ADGRB1: variants seen among roughly 807,000 people sequenced by gnomAD.
The protein encoded by ADGRB1 is adhesion G protein-coupled receptor B1.
A neutral mutation model predicts 175.7 loss-of-function variants in ADGRB1; 36 were observed. The observed-to-expected ratio is 0.20, with a 90% CI of 0.16 to 0.27. The LOEUF (loss-of-function observed/expected upper bound fraction) is 0.27. Ranked by LOEUF, ADGRB1 falls within the 10% of genes least tolerant of loss-of-function variation. The pLI is 1.00. For synonymous variants in ADGRB1, 1,054 were observed against 979.4 expected (o/e 1.08, Z -1.42); for missense variants, 1,731 against 2,255.3 (o/e 0.77, Z 4.71).
chr8:142,533,980 C>T (rs1844781508), intron 25 of ADGRB1, among the ~76,000 whole-genome samples: 1 of 152,236 alleles, frequency 6.6e-6, no homozygotes, highest in Non-Finnish European at 1.5e-5. Context: ...AGGACACCTG[C>T]TTCCAGATCA....
In ADGRB1 at chr8:142,481,249, C is replaced by T. The variant is rs761561382; in HGVS notation, c.1829-5C>T. 6.2e-7 allele frequency: 1 copy of T among 1,613,130 alleles called. No homozygotes were observed. Among genetic ancestry groups the T allele is most frequent in the Non-Finnish European group, 8.5e-7 (1 of 1,179,386 alleles). On this transcript the variant is annotated splice_region_variant and splice_polypyrimidine_tract_variant and intron_variant, in intron 9 of 30. Transcript: ENST00000517894. ...ATCCACCTGAGAAGGGGATGGTCTC[C>T]CCAGGACTCATCCTGCGACGGTGTG...
Position 142,520,802 on chromosome 8 carries a change from GGGCCCC to G in ADGRB1, c.2922-20_2922-15del, listed in dbSNP as rs1324814007. On this transcript the variant is annotated splice_polypyrimidine_tract_variant and intron_variant, in intron 19 of 30. Coordinates refer to ENST00000517894, the MANE Select transcript of ADGRB1 (RefSeq NM_001702.3). ...TGGGGTTCTGTTGGGTGCTGACCTT[GGGCCCC>G]TGCACTCTCCACAGGTACATTCGCT... is the stretch of plus-strand genomic sequence containing the variant. 5 of 1,605,062 alleles carry G rather than the reference GGGCCCC, an allele frequency of 3.1e-6. No individual in the cohort carries two copies. The highest frequency in any genetic ancestry group is 4.3e-6 in the Non-Finnish European group (5 of 1,172,246).
In ADGRB1 at chr8:142,526,533, G is replaced by A. The variant is rs1188739468; in HGVS notation, c.3313-9G>A. ...CACCCCCACACCCCCACCACTCTCTGCCCGGCAGGTGAACATGGTCATTGG... is the reference window on the plus strand; with the variant it reads ...CACCCCCACACCCCCACCACTCTCTACCCGGCAGGTGAACATGGTCATTGG... On this transcript the variant is annotated splice_polypyrimidine_tract_variant and intron_variant, in intron 23 of 30. Coordinates refer to ENST00000517894, the MANE Select transcript of ADGRB1 (RefSeq NM_001702.3). 7.0e-7 allele frequency: 1 copy of A among 1,419,100 alleles called. No homozygotes were observed. Among genetic ancestry groups the A allele is most frequent in the Non-Finnish European group, 9.6e-7 (1 of 1,046,772 alleles). The allele number at this position is 1,419,100 out of a possible 1,614,324, so 87.9% of individuals were successfully genotyped here.
chr8:142,522,752 C>T, intron 22 of ADGRB1, 42 bp downstream of exon 22: 3 of 1,441,034 alleles, frequency 2.1e-6, no homozygotes, highest in Non-Finnish European at 2.7e-6. Flanking sequence ...GCCACATGGC[C>T]CCCCAGAGAC....
At chr8:142,530,155 C>G (rs1187736831) in intron 24 of ADGRB1, among the ~76,000 whole-genome samples, 1 of 151,752 alleles carries the variant, frequency 6.6e-6, no homozygotes, top group Non-Finnish European at 1.5e-5. Flanking sequence ...GGGCATGTGC[C>G]TGTGTGTGCG....
At chr8:142,513,669 C>A (rs186288454) in intron 18 of ADGRB1, among the ~76,000 whole-genome samples, 99 of 152,274 alleles carry the variant, frequency 6.5e-4, no homozygotes, top group African/African-American at 2.2e-3. Context: ...GGTGCATGGC[C>A]ACAGCCTTCT....
chr8:142,452,741 A>T (rs1839428340), intron 1 of ADGRB1, among the ~76,000 whole-genome samples: 1 of 151,954 alleles, frequency 6.6e-6, no homozygotes, highest in African/African-American at 2.4e-5. Context: ...CCGGGGTCCG[A>T]GCAGCCTCCT....
intron 17 of ADGRB1, among the ~76,000 whole-genome samples, chr8:142,496,264 A>G (rs1587344341): frequency 6.8e-6 from 1 of 146,028 alleles, no homozygotes; most frequent in South Asian, 2.3e-4. Context: ...GGGTGAATAG[A>G]TGGGTGGGTA....
intron 25 of ADGRB1, among the ~76,000 whole-genome samples, chr8:142,533,964 T>TGGC (rs879763357): frequency 1.6e-4 from 24 of 152,160 alleles, no homozygotes; most frequent in Non-Finnish European, 2.4e-4. Context: ...TCGACCTGGG[T>TGGC]GGCGTAGGAC....
At position 142,537,384 on chromosome 8, in the gene ADGRB1, C is replaced by T. The variant is rs896740307; in HGVS notation, c.3666+302C>T. 6.6e-6 allele frequency among the ~76,000 whole-genome samples: 1 copy of T among 152,058 alleles called. No homozygotes were observed. Among genetic ancestry groups the T allele is most frequent in the Admixed American group, 6.5e-5 (1 of 15,278 alleles). On this transcript the variant is annotated intron_variant, in intron 26 of 30. Transcript: ENST00000517894. The surrounding 1 kb of genome is among the most constrained non-coding windows in gnomAD (Gnocchi z 4.6). ...TGGCTGGACACCACCCTCTGAGCAT[C>T]CCAGCCCTCAACTCAAGGTCCCCAT...
At chr8:142,463,620 G>T (rs746158872) in intron 1 of ADGRB1, among the ~76,000 whole-genome samples, 1 of 152,268 alleles carries the variant, frequency 6.6e-6, no homozygotes, top group Non-Finnish European at 1.5e-5. Context: ...CGTGGTGAGC[G>T]AGTGGGCAGG....
At chr8:142,457,685 G>A (rs2131636420) in intron 1 of ADGRB1, among the ~76,000 whole-genome samples, 1 of 152,252 alleles carries the variant, frequency 6.6e-6, no homozygotes, top group South Asian at 2.1e-4. Context: ...GGTGTGGTTG[G>A]CACAAGCTGG....
chr8:142,526,762 G>T lies in ADGRB1; in HGVS notation c.3398+135G>T, dbSNP rs564765288. 5 of 878,062 alleles carry T rather than the reference G, an allele frequency of 5.7e-6. No individual in the cohort carries two copies. In the South Asian group the frequency reaches 7.7e-5, roughly 14 times the overall value. 54.4% of individuals were successfully genotyped at this position (878,062 alleles called of 1,614,324 possible). On this transcript the variant is annotated intron_variant, in intron 24 of 30. Transcript: ENST00000517894. ...AGGGACCCCGGAGCGGGTGGGAAAC[G>T]GAGGCACTGAGTACAGAGGCCCCTT... is the stretch of plus-strand genomic sequence containing the variant.
Position 142,544,368 on chromosome 8 carries a change from C to A in ADGRB1, c.4706C>A (p.Thr1569Lys). 1 of 1,533,788 alleles carries A rather than the reference C, an allele frequency of 6.5e-7. No individual in the cohort carries two copies. The highest frequency in any genetic ancestry group is 8.8e-7 in the Non-Finnish European group (1 of 1,138,402). Reference protein sequence around the residue: ...RSVEWERSGATIPLVGQDIID... With the variant: ...RSVEWERSGAKIPLVGQDIID... ...GTGGAGTGGGAGAGGTCGGGCGCCA[C>A]GATCCCGCTGGTGGGCCAGGACATC... The change falls in exon 31 of 31, where the codon ACG becomes AAG. Residue 1569 changes from threonine (T) to lysine (K), a missense_variant. This residue lies in a region of ADGRB1 where 394 missense variants were observed against 410.2 expected (regional missense o/e 0.96). Coordinates refer to ENST00000517894, the MANE Select transcript of ADGRB1 (RefSeq NM_001702.3).
chr8:142,489,006 G>A (rs1841850737), intron 14 of ADGRB1, 29 bp from the exon 15 acceptor site: 4 of 1,605,792 alleles, frequency 2.5e-6, no homozygotes, highest in Non-Finnish European at 3.4e-6. Flanking sequence ...GGGATGGCGG[G>A]CCGGGGTTGA....
chr8:142,496,143 G>A (rs1252691653), intron 17 of ADGRB1, among the ~76,000 whole-genome samples: 2 of 149,924 alleles, frequency 1.3e-5, no homozygotes, highest in African/African-American at 4.9e-5. Flanking sequence ...GTGAATAGGT[G>A]TGTGGGTGGG....
intron 16 of ADGRB1, 63 bp from the exon 17 acceptor site, chr8:142,490,709 G>C: frequency 6.6e-7 from 1 of 1,523,344 alleles, no homozygotes; most frequent in South Asian, 1.2e-5. Context: ...GTCCCATGGT[G>C]ACCCGAGGGT....
chr8:142,469,008 C>T (rs533040348), intron 2 of ADGRB1, among the ~76,000 whole-genome samples: 40 of 152,232 alleles, frequency 2.6e-4, no homozygotes, highest in African/African-American at 9.6e-4. Context: ...CAGGCACAGA[C>T]ATGTTAAGGC....
chr8:142,534,931 G>A (rs573795041), intron 25 of ADGRB1, among the ~76,000 whole-genome samples: 84 of 152,224 alleles, frequency 5.5e-4, no homozygotes, highest in Non-Finnish European at 8.7e-4. Context: ...CAGGGAGCTC[G>A]TCACAGGAGC....
Sources: allele counts gnomAD v4.1 joint callset (sites outside exome capture counted in the v4.1 genomes callset), GRCh38; gene constraint gnomAD v4.1.1; regional missense constraint gnomAD v4.1.1; non-coding constraint Gnocchi (gnomAD v3.1); transcripts MANE v1.5; gene names NCBI Gene and HGNC (gene_info 2026-07-23, HGNC 2026-07-21).